The following GDPD5 variants were observed in gnomAD, a reference collection of about 807,000 sequenced individuals.
GDPD5 encodes glycerophosphodiester phosphodiesterase domain containing 5, also known as glycerophosphodiester phosphodiesterase 2.
In GDPD5, 48 loss-of-function variants were observed where a neutral mutation model predicts 75.1. The observed-to-expected ratio is 0.64, with a 90% CI of 0.51 to 0.81. The LOEUF (loss-of-function observed/expected upper bound fraction) is 0.81, where lower values mean the gene tolerates loss of function less well. GDPD5 is among the 40% of genes least tolerant of loss of function. The pLI, the probability that GDPD5 is intolerant of heterozygous loss-of-function variation, is 0.00. For missense variants in GDPD5, 706 were observed against 822.6 expected (o/e 0.86, Z 1.73); for synonymous variants, 336 against 339.0 (o/e 0.99, Z 0.10).
chr11:75,511,496 T>C (rs1950518075), intron 1 of GDPD5, among the ~76,000 whole-genome samples: 1 of 152,224 alleles, frequency 6.6e-6, no homozygotes, highest in Admixed American at 6.5e-5. Flanking sequence ...TTATGTGACC[T>C]AGCGTTTCCC....
rs1369815023 is a variant in GDPD5 at position 75,449,055 on chromosome 11, G to A, written c.636C>T (p.Thr212=). ...VVFALYLAPL[T]ISSPCIMEKK... ...TCTCCATGATGCAGGGAGAGGAGAT[G>A]GTGAGAGGGGCCAGGTAGAGGGCAA... The change falls in exon 9 of 17, where the codon ACC becomes ACT. Residue 212 remains threonine, a synonymous_variant. Transcript: ENST00000336898. The A allele has an allele frequency of 1.2e-6, 2 of 1,608,780 alleles. No homozygotes were observed. The highest frequency in any genetic ancestry group is 2.7e-5 in the African/African-American group (2 of 74,522).
intron 9 of GDPD5, among the ~76,000 whole-genome samples, chr11:75,446,007 T>G (rs78165577): frequency 0.019 from 2,879 of 152,202 alleles, 83 homozygotes; most frequent in African/African-American, 0.065. Context: ...GTCCAGTGGG[T>G]TGTGTGAGGC....
chr11:75,505,727 T>C (rs1329790393), intron 1 of GDPD5, among the ~76,000 whole-genome samples: 4 of 152,184 alleles, frequency 2.6e-5, no homozygotes. Context: ...CAAGTGGATT[T>C]GGTTTAATTC....
intron 1 of GDPD5, among the ~76,000 whole-genome samples, chr11:75,506,414 C>T (rs1001362485): frequency 1.3e-5 from 2 of 152,128 alleles, no homozygotes; most frequent in Non-Finnish European, 2.9e-5. Flanking sequence ...GCCCCTCCAC[C>T]TAGGAGGACC....
At chr11:75,511,865 T>C (rs574961699) in intron 1 of GDPD5, among the ~76,000 whole-genome samples, 2 of 152,334 alleles carry the variant, frequency 1.3e-5, no homozygotes, top group African/African-American at 2.4e-5. Flanking sequence ...CTGCTGGCCA[T>C]TGGGCGGGGG....
intron 2 of GDPD5, among the ~76,000 whole-genome samples, chr11:75,489,903 G>C (rs959391813): frequency 1.3e-5 from 2 of 151,898 alleles, no homozygotes; most frequent in African/African-American, 2.4e-5. Flanking sequence ...CATGCCTGGC[G>C]ACCTGCCTGG....
intron 15 of GDPD5, chr11:75,437,336 A>G (rs149673186): frequency 1.7e-4 from 72 of 425,128 alleles, no homozygotes; most frequent in African/African-American, 1.2e-3. Context: ...GTCCCCAGTA[A>G]TGCACCTGGC....
chr11:75,504,071 C>A lies in GDPD5; in HGVS notation c.-144-13751G>T, dbSNP rs373508592. 4.6e-5 allele frequency among the ~76,000 whole-genome samples: 7 copies of A among 152,360 alleles called. No homozygotes were observed. In the East Asian group the frequency reaches 1.2e-3, roughly 25 times the overall value. Reference sequence around the variant, plus strand: ...ATGAGTCCCTGCCCCTCTCTGTGCACAGGTGCTCTCCAGCTCCAATATTCT... The same window carrying A: ...ATGAGTCCCTGCCCCTCTCTGTGCAAAGGTGCTCTCCAGCTCCAATATTCT... On this transcript the variant is annotated intron_variant, in intron 1 of 16. Coordinates refer to ENST00000336898, the MANE Select transcript of GDPD5 (RefSeq NM_030792.8).
intron 3 of GDPD5, among the ~76,000 whole-genome samples, chr11:75,471,386 A>T (rs1592105494): frequency 6.6e-6 from 1 of 152,174 alleles, no homozygotes; most frequent in Non-Finnish European, 1.5e-5. Context: ...AAGAGGCTGG[A>T]TTTATTTTTC....
chr11:75,515,702 T>C (rs1272080994), intron 1 of GDPD5, among the ~76,000 whole-genome samples: 1 of 152,226 alleles, frequency 6.6e-6, no homozygotes, highest in Admixed American at 6.5e-5. Context: ...GCAGCAGGGC[T>C]GGGGCCGCTG....
rs1269950546 is a variant in GDPD5 at position 75,457,730 on chromosome 11, G to A, written c.278C>T (p.Thr93Ile). 5 of 1,614,092 alleles carry A rather than the reference G, an allele frequency of 3.1e-6. No homozygotes were observed. The African/African-American group carries it at 4.0e-5, about 13-fold the overall frequency. Reference protein sequence around the residue: ...WSDWPVPILVTTAAAFAYIAG... With the variant: ...WSDWPVPILVITAAAFAYIAG... ...GATGTATGCGAAGGCAGCAGCTGTG[G>A]TCACAAGGATGGGTACGGGCCAGTC... is the stretch of plus-strand genomic sequence containing the variant. Residue 93 changes from threonine to isoleucine, a missense_variant, in exon 5 of 17, where the codon ACC becomes ATC. Coordinates refer to ENST00000336898, the MANE Select transcript of GDPD5 (RefSeq NM_030792.8).
rs1407545567 is a variant in GDPD5, at chr11:75,449,552, A to G, written c.533T>C (p.Ile178Thr). 1.9e-6 allele frequency: 3 copies of G among 1,588,354 alleles called. No individual in the cohort carries two copies. The highest frequency in any genetic ancestry group is 1.3e-5 in the African/African-American group (1 of 74,716). Residue 178 changes from isoleucine (I) to threonine (T), a missense_variant, in exon 8 of 17, where the codon ATC (isoleucine) becomes ACC (threonine). Ile to Thr is a moderately conservative substitution (Grantham distance 89). Coordinates refer to ENST00000336898, the MANE Select transcript of GDPD5 (RefSeq NM_030792.8). ...TGCGCGGGCGAACTGTCCTGCCACG[A>G]TCCAGGAGAGCATGGTGACTGCTGC... ...AVAAVTMLSWIVAGQFARAER... is the reference protein window; with the variant it reads ...AVAAVTMLSWTVAGQFARAER...
intron 13 of GDPD5, 51 bp downstream of exon 13, chr11:75,441,595 G>A (rs755895106): frequency 2.0e-6 from 3 of 1,493,258 alleles, no homozygotes; most frequent in Non-Finnish European, 1.8e-6. Context: ...GCAGGACTGG[G>A]AGAGACTCAG....
intron 2 of GDPD5, among the ~76,000 whole-genome samples, chr11:75,488,822 C>T (rs1174641684): frequency 6.6e-6 from 1 of 152,216 alleles, no homozygotes; most frequent in African/African-American, 2.4e-5. Flanking sequence ...CCGTGGCTGC[C>T]TCACCCACCA....
In GDPD5 at chr11:75,449,116, T is replaced by C. The variant is rs1279849172; in HGVS notation, c.575A>G (p.Gln192Arg). 1.3e-6 allele frequency: 2 copies of C among 1,584,286 alleles called. No individual in the cohort carries two copies. The highest frequency in any genetic ancestry group is 1.1e-5 in the South Asian group (1 of 87,094). The change falls in exon 9 of 17, where the codon CAG (glutamine) becomes CGG (arginine). Residue 192 changes from glutamine (Q) to arginine (R), a missense_variant. By Grantham distance (43) the Gln-to-Arg change is conservative. Transcript: ENST00000336898. ...GAAGAAGGTACAGAGAATGGTCACC[T>C]GGGAGGCTGCAGATAAGGGGCCGTG... ...QFARAERTSS[Q>R]VTILCTFFTV... is the part of the protein sequence containing the mutation.
At position 75,525,812 on chromosome 11, in the gene GDPD5, A is replaced by C. The variant is rs1395501158; in HGVS notation, c.-747T>G. On this transcript the variant is annotated 5_prime_UTR_variant, in exon 1 of 17. Coordinates refer to ENST00000336898, the MANE Select transcript of GDPD5 (RefSeq NM_030792.8). ...ACCTCGGCGCGGCGGCCGACTCCCG[A>C]GCTCCCGGCCGCGGCTCCACTTCCT... The C allele has an allele frequency of 6.6e-6, 1 of 151,028 alleles. No homozygotes were observed. Among genetic ancestry groups the C allele is most frequent in the Non-Finnish European group, 1.5e-5 (1 of 67,648 alleles). The allele number at this position is 151,028 out of a possible 1,614,324, so 9.4% of individuals were successfully genotyped here. A position where few individuals can be genotyped will look rare whatever the true frequency, so the allele number is the denominator to read the frequency against.
Position 75,434,926 on chromosome 11 carries a change from C to G in GDPD5, c.*581G>C, listed in dbSNP as rs1287683254. The G allele has an allele frequency of 6.5e-6, 1 of 152,876 alleles. No homozygotes were observed. Among genetic ancestry groups the G allele is most frequent in the Non-Finnish European group, 1.5e-5 (1 of 68,300 alleles). 9.5% of individuals were successfully genotyped at this position (152,876 alleles called of 1,614,324 possible). On this transcript the variant is annotated 3_prime_UTR_variant, in exon 17 of 17. Transcript: ENST00000336898. ...TCCTAGAGGACGTGGCTCAGGCCCG[C>G]TCCTGGGGCAGGGGGTTGGCGGTGG...
chr11:75,446,886 G>T (rs1013702384), intron 9 of GDPD5, among the ~76,000 whole-genome samples: 3 of 152,086 alleles, frequency 2.0e-5, no homozygotes, highest in Non-Finnish European at 4.4e-5. Flanking sequence ...AAGGGACGGG[G>T]AACTTTTTTT....
intron 1 of GDPD5, chr11:75,517,429 G>A (rs1950661924): frequency 6.6e-6 from 1 of 151,990 alleles, no homozygotes. Context: ...ACTCCAGCCT[G>A]GGCAATAAGA....
Sources: allele counts gnomAD v4.1 joint callset (sites outside exome capture counted in the v4.1 genomes callset), GRCh38; gene constraint gnomAD v4.1.1; transcripts MANE v1.5; gene names NCBI Gene and HGNC (gene_info 2026-07-23, HGNC 2026-07-21).